The following CUBN variants were observed in gnomAD, a reference collection of about 807,000 sequenced individuals.
The protein encoded by CUBN is cubilin.
Under a neutral mutation model 405.3 loss-of-function variants are expected in CUBN, and 282 were observed. That is an observed-to-expected ratio of 0.70 (90% CI 0.63 to 0.77). The LOEUF is 0.77. Among genes scored for constraint, CUBN ranks in the 30% least tolerant of loss-of-function variants. The pLI is 0.00. For missense variants in CUBN, 4,514 were observed against 4,475.2 expected (o/e 1.01, Z -0.25); for synonymous variants, 1,684 against 1,617.0 (o/e 1.04, Z -0.99).
intron 28 of CUBN, among the ~76,000 whole-genome samples, chr10:16,994,645 C>A (rs1427330248): frequency 6.6e-6 from 1 of 152,152 alleles, no homozygotes; most frequent in African/African-American, 2.4e-5. Flanking sequence ...CACCAACATC[C>A]TTGTCGTCAT....
intron 17 of CUBN, among the ~76,000 whole-genome samples, chr10:17,073,268 G>C (rs897783171): frequency 2.6e-5 from 4 of 151,994 alleles, no homozygotes; most frequent in Non-Finnish European, 4.4e-5. Context: ...AATAATAATA[G>C]TGCAAGAAAG....
chr10:16,955,431 A>G (rs1477138716), intron 31 of CUBN, among the ~76,000 whole-genome samples: 2 of 151,064 alleles, frequency 1.3e-5, no homozygotes, highest in Admixed American at 1.3e-4. Context: ...TCTCTTTTTA[A>G]CTGTTGGTCT....
intron 14 of CUBN, among the ~76,000 whole-genome samples, chr10:17,098,762 A>G (rs1407082042): frequency 6.6e-6 from 1 of 152,218 alleles, no homozygotes; most frequent in African/African-American, 2.4e-5. Context: ...TAAAAAATAC[A>G]TATTTTTACA....
intron 47 of CUBN, among the ~76,000 whole-genome samples, 173 bp downstream of exon 47, chr10:16,914,859 A>G (rs1841838017): frequency 6.6e-6 from 1 of 152,140 alleles, no homozygotes; most frequent in Non-Finnish European, 1.5e-5. Context: ...TTTCCCTTAT[A>G]GCATTGATCA....
chr10:16,922,891 T>G (rs1250490268), intron 43 of CUBN, among the ~76,000 whole-genome samples: 1 of 150,088 alleles, frequency 6.7e-6, no homozygotes, highest in Non-Finnish European at 1.5e-5. Flanking sequence ...GCTTTGTCAC[T>G]CAGGCTGGAG....
intron 60 of CUBN, among the ~76,000 whole-genome samples, chr10:16,843,118 G>T (rs1588578394): frequency 1.3e-5 from 2 of 152,286 alleles, no homozygotes; most frequent in African/African-American, 4.8e-5. Context: ...CACGTGTGGG[G>T]AGACAGAGAC....
At chr10:16,866,494 G>C (rs1840187651) in intron 59 of CUBN, among the ~76,000 whole-genome samples, 2 of 152,202 alleles carry the variant, frequency 1.3e-5, no homozygotes, top group South Asian at 2.1e-4. Flanking sequence ...GTACTTAAAA[G>C]CATCCGTTCT....
intron 51 of CUBN, among the ~76,000 whole-genome samples, chr10:16,902,042 T>TATAC (rs1554790438): frequency 2.2e-5 from 3 of 134,252 alleles, no homozygotes; most frequent in African/African-American, 5.6e-5. Flanking sequence ...TATATATATA[T>TATAC]ACACACACCA....
intron 28 of CUBN, among the ~76,000 whole-genome samples, chr10:17,015,441 A>G (rs551175194): frequency 1.1e-4 from 17 of 152,332 alleles, no homozygotes; most frequent in Non-Finnish European, 2.2e-4. Context: ...AAAAGAGCAA[A>G]GTCTCCCAAT....
intron 38 of CUBN, 152 bp downstream of exon 38, chr10:16,938,811 C>A: frequency 1.5e-6 from 1 of 669,920 alleles, no homozygotes; most frequent in Non-Finnish European, 2.6e-6. Context: ...TGCCTTTGTC[C>A]ATGTAATCTA....
At chr10:16,959,407 T>A (rs1162928883) in intron 31 of CUBN, among the ~76,000 whole-genome samples, 1 of 152,132 alleles carries the variant, frequency 6.6e-6, no homozygotes, top group Non-Finnish European at 1.5e-5. Context: ...GGTGGGCAGA[T>A]CACCTGAAGT....
At chr10:16,838,773 T>C (rs944443257) in intron 62 of CUBN, among the ~76,000 whole-genome samples, 7 of 152,172 alleles carry the variant, frequency 4.6e-5, no homozygotes. Context: ...GCCTCCTGAG[T>C]AGCTGGGATT....
chr10:16,846,010 T>C (rs1197034300), intron 60 of CUBN, among the ~76,000 whole-genome samples: 5 of 152,212 alleles, frequency 3.3e-5, no homozygotes, highest in Non-Finnish European at 5.9e-5. Flanking sequence ...TTGAATGTCC[T>C]GTCAGACATT....
At chr10:16,959,443 G>A (rs1843158735) in intron 31 of CUBN, among the ~76,000 whole-genome samples, 1 of 152,014 alleles carries the variant, frequency 6.6e-6, no homozygotes, top group Non-Finnish European at 1.5e-5. Context: ...AGCCTGACCA[G>A]CATGGAGAAG....
In CUBN at chr10:16,947,316, T is replaced by C; in HGVS notation, c.5261A>G (p.Tyr1754Cys). Reference sequence around the variant, plus strand: ...CACATTAGGGGGATAAATGTCTGGGTAGCCAGGGCTGTTGAAGATGCCTTC... The same window carrying C: ...CACATTAGGGGGATAAATGTCTGGGCAGCCAGGGCTGTTGAAGATGCCTTC... ...MAEGIFNSPGYPDIYPPNVEC... is the reference protein window; with the variant it reads ...MAEGIFNSPGCPDIYPPNVEC... The change falls in exon 36 of 67, where the codon TAC becomes TGC. Residue 1754 changes from tyrosine (Y) to cysteine (C), a missense_variant. Physicochemically the swap from Tyr to Cys is radical, Grantham distance 194. Transcript: ENST00000377833. The C allele has an allele frequency of 6.2e-7, 1 of 1,614,038 alleles. No homozygotes were observed. The highest frequency in any genetic ancestry group is 8.5e-7 in the Non-Finnish European group (1 of 1,179,928).
At chr10:17,029,072 A>C (rs1315798467) in intron 27 of CUBN, among the ~76,000 whole-genome samples, 1 of 152,178 alleles carries the variant, frequency 6.6e-6, no homozygotes, top group Non-Finnish European at 1.5e-5. Context: ...CTGAGCATCT[A>C]ATGGAATTTT....
chr10:17,120,433 T>C (rs755965199), intron 6 of CUBN, among the ~76,000 whole-genome samples: 5 of 152,254 alleles, frequency 3.3e-5, no homozygotes, highest in Non-Finnish European at 1.5e-5. Flanking sequence ...TGTTCTCTAA[T>C]GTCCTCCAGC....
chr10:16,844,270 CAA>C (rs1325881875), intron 60 of CUBN, among the ~76,000 whole-genome samples: 2 of 143,422 alleles, frequency 1.4e-5, no homozygotes, highest in Admixed American at 1.4e-4. Flanking sequence ...ACTCTGTCCC[CAA>C]AAAAAAAAAA....
intron 22 of CUBN, among the ~76,000 whole-genome samples, chr10:17,063,145 A>G (rs1051176163): frequency 2.6e-5 from 4 of 152,280 alleles, no homozygotes; most frequent in Non-Finnish European, 5.9e-5. Flanking sequence ...CCCCCTCAGC[A>G]ATGCATGAGA....
Sources: gnomAD v4.1 joint callset for allele counts (sites outside exome capture counted in the v4.1 genomes callset) on GRCh38, gnomAD v4.1.1 for gene constraint, MANE v1.5 for transcripts, NCBI Gene and HGNC (gene_info 2026-07-23, HGNC 2026-07-21) for gene names.